Variants in SPON1 observed in about 807,000 individuals in gnomAD.
SPON1 encodes the protein spondin-1.
SPON1 carries 52 observed loss-of-function variants against 111.7 expected under a neutral mutation model. The ratio of observed to expected loss-of-function variants is 0.47; its 90% CI spans 0.37 to 0.59. The LOEUF is 0.59. SPON1 is among the 20% of genes least tolerant of loss of function. The pLI is 0.00. For synonymous variants in SPON1, 410 were observed against 395.8 expected, an observed-to-expected ratio of 1.04 and a Z score of -0.43; for missense variants, 957 against 1,068.5, an observed-to-expected ratio of 0.90 and a Z score of 1.46.
chr11:13,968,870 T>C (rs1222422989), intron 1 of SPON1, among the ~76,000 whole-genome samples: 4 of 152,334 alleles, frequency 2.6e-5, no homozygotes, highest in East Asian at 1.9e-4. Context: ...CTGGGAAATA[T>C]AGCATTTAGC....
At chr11:14,053,608 A>G (rs1848723639) in intron 3 of SPON1, among the ~76,000 whole-genome samples, 1 of 152,238 alleles carries the variant, frequency 6.6e-6, no homozygotes, top group Non-Finnish European at 1.5e-5. Flanking sequence ...GTGAAAAAGT[A>G]TCATGGTATT....
intron 6 of SPON1, among the ~76,000 whole-genome samples, chr11:14,200,143 G>C (rs1295933062): frequency 6.6e-6 from 1 of 151,468 alleles, no homozygotes; most frequent in Non-Finnish European, 1.5e-5. Flanking sequence ...TATTCTCTAT[G>C]TTATATGTCC....
At chr11:14,201,111 C>A (rs1400240529) in intron 6 of SPON1, among the ~76,000 whole-genome samples, 3 of 151,888 alleles carry the variant, frequency 2.0e-5, no homozygotes, top group African/African-American at 4.8e-5. Context: ...GAGGCCAGGG[C>A]GGGTAGATCA....
chr11:14,241,285 A>G (rs1848923576), intron 6 of SPON1, among the ~76,000 whole-genome samples: 1 of 152,238 alleles, frequency 6.6e-6, no homozygotes, highest in Non-Finnish European at 1.5e-5. Flanking sequence ...AAGAAAAAAA[A>G]GTGGAGCAGA....
At chr11:14,249,460 A>G (rs782474056) in intron 7 of SPON1, among the ~76,000 whole-genome samples, 2 of 152,238 alleles carry the variant, frequency 1.3e-5, no homozygotes, top group Non-Finnish European at 2.9e-5. Flanking sequence ...CCAACGTTGC[A>G]GGAACCTCCC....
intron 1 of SPON1, among the ~76,000 whole-genome samples, chr11:13,971,492 C>T (rs1318898351): frequency 6.6e-6 from 1 of 152,140 alleles, no homozygotes; most frequent in East Asian, 1.9e-4. Flanking sequence ...ACTTTCCAAA[C>T]CTAGCTATGC....
At chr11:14,037,481 A>G (rs1297890998) in intron 2 of SPON1, among the ~76,000 whole-genome samples, 2 of 151,938 alleles carry the variant, frequency 1.3e-5, no homozygotes, top group Non-Finnish European at 2.9e-5. Flanking sequence ...TAGAGCAAAG[A>G]TAGTCTTTTC....
intron 2 of SPON1, among the ~76,000 whole-genome samples, chr11:14,004,367 G>C (rs534392731): frequency 6.6e-6 from 1 of 152,306 alleles, no homozygotes; most frequent in South Asian, 2.1e-4. Context: ...AAGTCGGATT[G>C]CTGTATCATA....
At chr11:14,216,233 C>A (rs1038553053) in intron 6 of SPON1, among the ~76,000 whole-genome samples, 43 of 152,176 alleles carry the variant, frequency 2.8e-4, no homozygotes, top group South Asian at 2.1e-4. Context: ...CAACTCTAGA[C>A]AATGAAGTTG....
intron 1 of SPON1, among the ~76,000 whole-genome samples, chr11:13,973,025 A>G (rs1554908786): frequency 6.6e-6 from 1 of 151,662 alleles, no homozygotes; most frequent in Admixed American, 6.6e-5. Flanking sequence ...TGCTCCTTCC[A>G]TCCTCAATCT....
chr11:14,255,806 C>T lies in SPON1; in HGVS notation c.1233+19C>T. The T allele has an allele frequency of 6.2e-7, 1 of 1,610,964 alleles. No individual in the cohort carries two copies. The highest frequency in any genetic ancestry group is 1.3e-5 in the African/African-American group (1 of 74,980). Reference sequence around the variant, plus strand: ...ACGGAAGGTACTGGGTTAGAACCCACTCTGGCATCGACCTTTCCCGGTAGG... The same window carrying T: ...ACGGAAGGTACTGGGTTAGAACCCATTCTGGCATCGACCTTTCCCGGTAGG... On this transcript the variant is annotated intron_variant, in intron 9 of 15. Transcript: ENST00000576479.
At chr11:14,070,367 T>C (rs1366166943) in intron 3 of SPON1, among the ~76,000 whole-genome samples, 5 of 152,200 alleles carry the variant, frequency 3.3e-5, no homozygotes, top group Non-Finnish European at 7.3e-5. Context: ...TGGCAATTTA[T>C]TGTCTCTGTC....
chr11:14,010,488 G>A (rs1554913593), intron 2 of SPON1, among the ~76,000 whole-genome samples: 1 of 152,122 alleles, frequency 6.6e-6, no homozygotes, highest in African/African-American at 2.4e-5. Flanking sequence ...GTGAAGGACA[G>A]ACTGGGGGTA....
chr11:14,058,549 G>C (rs571816734), intron 3 of SPON1, among the ~76,000 whole-genome samples: 1 of 152,168 alleles, frequency 6.6e-6, no homozygotes, highest in Non-Finnish European at 1.5e-5. Flanking sequence ...GACCAGAGAA[G>C]GCAAGGAACA....
intron 1 of SPON1, among the ~76,000 whole-genome samples, chr11:13,964,220 C>T (rs1329266515): frequency 6.6e-6 from 1 of 152,256 alleles, no homozygotes; most frequent in African/African-American, 2.4e-5. Context: ...GCGAGCCTGT[C>T]TGGCCTCACC....
intron 6 of SPON1, among the ~76,000 whole-genome samples, chr11:14,157,675 C>T (rs934057240): frequency 6.6e-6 from 1 of 151,990 alleles, no homozygotes; most frequent in Non-Finnish European, 1.5e-5. Flanking sequence ...TATATATGTT[C>T]AACTTTATCA....
chr11:14,022,885 G>A (rs1554914900), intron 2 of SPON1, among the ~76,000 whole-genome samples: 2 of 152,218 alleles, frequency 1.3e-5, no homozygotes, highest in Non-Finnish European at 2.9e-5. Context: ...AAGGTGAGGA[G>A]TAGGGTTAAA....
chr11:14,241,636 A>G lies in SPON1; in HGVS notation c.826-1696A>G, dbSNP rs568394724. ...CTGAGGTCAGAGGAAGGGCTCAGCC[A>G]TGAGGCATATGAGATGACTGGAGGA... On this transcript the variant is annotated intron_variant, in intron 6 of 15. Transcript: ENST00000576479. Among the ~76,000 whole-genome samples the G allele has an allele frequency of 2.6e-5, 4 of 152,254 alleles. No individual in the cohort carries two copies. In the South Asian group the frequency reaches 6.2e-4, roughly 24 times the overall value.
At chr11:14,145,595 AAGT>A (rs1554929239) in intron 6 of SPON1, among the ~76,000 whole-genome samples, 5 of 152,188 alleles carry the variant, frequency 3.3e-5, no homozygotes, top group African/African-American at 4.8e-5. Flanking sequence ...AACCATTTTT[AAGT>A]GCACAGTTCA....
Sources: gnomAD v4.1 joint callset for allele counts (sites outside exome capture counted in the v4.1 genomes callset) on GRCh38, gnomAD v4.1.1 for gene constraint, MANE v1.5 for transcripts, NCBI Gene and HGNC (gene_info 2026-07-23, HGNC 2026-07-21) for gene names.